STAG1: variants seen among roughly 807,000 people sequenced by gnomAD.
The protein encoded by STAG1 is cohesin subunit SA-1.
STAG1 carries 26 observed loss-of-function variants against 170.9 expected under a neutral mutation model. The observed-to-expected ratio is 0.15, with a 90% CI of 0.11 to 0.21. The LOEUF (loss-of-function observed/expected upper bound fraction) is 0.21, where lower values mean the gene tolerates loss of function less well. Among genes scored for constraint, STAG1 ranks in the 10% least tolerant of loss-of-function variants. The pLI, the probability that STAG1 is intolerant of heterozygous loss-of-function variation, is 1.00. For synonymous variants in STAG1, 514 were observed against 497.7 expected (o/e 1.03, Z -0.44); for missense variants, 964 against 1,509.5 (o/e 0.64, Z 5.99).
At chr3:136,520,290 C>T (rs188412157) in intron 7 of STAG1, among the ~76,000 whole-genome samples, 1 of 152,070 alleles carries the variant, frequency 6.6e-6, no homozygotes, top group East Asian at 1.9e-4. Flanking sequence ...GTCTGAGGAA[C>T]AGTGCTTTAA....
intron 25 of STAG1, among the ~76,000 whole-genome samples, chr3:136,364,295 C>G (rs996790769): frequency 2.6e-5 from 4 of 151,896 alleles, no homozygotes; most frequent in Non-Finnish European, 5.9e-5. Flanking sequence ...GTTGGCCAGG[C>G]TGGTCTTGAA....
chr3:136,611,578 C>G (rs997262502), intron 3 of STAG1, among the ~76,000 whole-genome samples: 2 of 151,842 alleles, frequency 1.3e-5, no homozygotes, highest in African/African-American at 4.8e-5. Context: ...TCACTGCAAC[C>G]TCCCCTCCCA....
At chr3:136,696,604 G>T (rs1287678060) in intron 1 of STAG1, among the ~76,000 whole-genome samples, 1 of 152,036 alleles carries the variant, frequency 6.6e-6, no homozygotes, top group African/African-American at 2.4e-5. Context: ...AGTGGGGGAG[G>T]TTGTGCATAT....
intron 4 of STAG1, among the ~76,000 whole-genome samples, chr3:136,600,164 G>C (rs933428246): frequency 6.6e-6 from 1 of 152,162 alleles, no homozygotes; most frequent in African/African-American, 2.4e-5. Flanking sequence ...CTACCCTTCT[G>C]AATATTAAAG....
At chr3:136,393,269 A>C (rs1191408409) in intron 22 of STAG1, among the ~76,000 whole-genome samples, 3 of 152,180 alleles carry the variant, frequency 2.0e-5, no homozygotes, top group Non-Finnish European at 4.4e-5. Context: ...AAATGGATAG[A>C]GTTTTAGGTG....
chr3:136,744,865 G>A lies in STAG1; in HGVS notation c.-84+7330C>T, dbSNP rs530622428. Among the ~76,000 whole-genome samples the A allele has an allele frequency of 2.1e-3, 325 of 152,002 alleles. 2 individuals are homozygous for A. Among genetic ancestry groups the A allele is most frequent in the Non-Finnish European group, 2.3e-3 (153 of 67,960 alleles). The stretch of plus-strand genomic sequence containing the variant: ...TAATTTTTGTATTTTTAGTAGAGAC[G>A]GGGTTTCGCCATGTTGGCCACACTG... On this transcript the variant is annotated intron_variant, in intron 1 of 33. Transcript: ENST00000383202.
rs140153629 is a variant in STAG1 at position 136,700,639 on chromosome 3, C to T, written c.-84+51556G>A. On this transcript the variant is annotated intron_variant, in intron 1 of 33. Coordinates refer to ENST00000383202, the MANE Select transcript of STAG1 (RefSeq NM_005862.3). ...TTCACCATGTTGGCCAGGCTGGTCTCGAACTCCTGACCACAGGTGATCCAC... is the reference window on the plus strand; with the variant it reads ...TTCACCATGTTGGCCAGGCTGGTCTTGAACTCCTGACCACAGGTGATCCAC... Among the ~76,000 whole-genome samples, 540 of 151,858 alleles carry T rather than the reference C, an allele frequency of 3.6e-3. 1 individual carries two copies. The highest frequency in any genetic ancestry group is 0.012 in the African/African-American group (513 of 41,446).
chr3:136,474,580 T>C (rs1407137985), intron 10 of STAG1, among the ~76,000 whole-genome samples: 3 of 152,234 alleles, frequency 2.0e-5, no homozygotes, highest in Admixed American at 2.0e-4. Flanking sequence ...AAGTTATTGA[T>C]GAGATGTCAA....
chr3:136,430,440 A>G (rs1012789017), intron 16 of STAG1, among the ~76,000 whole-genome samples: 3 of 152,094 alleles, frequency 2.0e-5, no homozygotes, highest in Admixed American at 6.6e-5. Context: ...ATATAGTTCC[A>G]TATCTTTTTC....
chr3:136,459,818 C>T (rs1332979157), intron 13 of STAG1, among the ~76,000 whole-genome samples: 3 of 152,014 alleles, frequency 2.0e-5, no homozygotes, highest in African/African-American at 7.2e-5. Flanking sequence ...AATAGAAACA[C>T]AACATACTAA....
intron 1 of STAG1, among the ~76,000 whole-genome samples, chr3:136,660,541 T>G (rs895346245): frequency 2.0e-5 from 3 of 152,198 alleles, no homozygotes; most frequent in Non-Finnish European, 4.4e-5. Context: ...GATTATACTG[T>G]AACACTCAAA....
At chr3:136,634,400 TG>T (rs551019034) in intron 1 of STAG1, among the ~76,000 whole-genome samples, 26 of 151,478 alleles carry the variant, frequency 1.7e-4, no homozygotes, top group South Asian at 6.3e-4. Flanking sequence ...CACCATATAA[TG>T]GGGGGGTCCC....
chr3:136,599,335 G>A (rs1442639575), intron 4 of STAG1, among the ~76,000 whole-genome samples: 1 of 151,898 alleles, frequency 6.6e-6, no homozygotes, highest in Non-Finnish European at 1.5e-5. Context: ...TTCAAGACCA[G>A]CCTAGGGTAA....
At chr3:136,733,153 T>A (rs1419657322) in intron 1 of STAG1, among the ~76,000 whole-genome samples, 2 of 150,862 alleles carry the variant, frequency 1.3e-5, no homozygotes, top group African/African-American at 4.9e-5. Flanking sequence ...GGCATCATCT[T>A]AGGTCACTGC....
At chr3:136,747,737 G>A (rs1296231530) in intron 1 of STAG1, among the ~76,000 whole-genome samples, 2 of 151,434 alleles carry the variant, frequency 1.3e-5, no homozygotes, top group Non-Finnish European at 2.9e-5. Context: ...ATCAAAAACA[G>A]GTAAAACAAA....
At chr3:136,670,410 G>A (rs1015076002) in intron 1 of STAG1, among the ~76,000 whole-genome samples, 3 of 152,104 alleles carry the variant, frequency 2.0e-5, no homozygotes, top group African/African-American at 7.2e-5. Flanking sequence ...CACAAAGAAA[G>A]TACAATCATT....
chr3:136,709,565 C>T (rs1000228882), intron 1 of STAG1, among the ~76,000 whole-genome samples: 3 of 151,348 alleles, frequency 2.0e-5, no homozygotes, highest in Non-Finnish European at 2.9e-5. Flanking sequence ...TGAGACCCAT[C>T]TCTAAAAAAA....
intron 14 of STAG1, among the ~76,000 whole-genome samples, chr3:136,445,632 G>A (rs1047439643): frequency 6.6e-6 from 1 of 152,108 alleles, no homozygotes; most frequent in African/African-American, 2.4e-5. Flanking sequence ...CAATAAATCA[G>A]CTGAATATGC....
chr3:136,486,939 C>T (rs1484275932), intron 9 of STAG1, among the ~76,000 whole-genome samples: 1 of 136,022 alleles, frequency 7.4e-6, no homozygotes, highest in Non-Finnish European at 1.5e-5. Flanking sequence ...GACTACTGAA[C>T]AGCTTATGTT....
Sources: allele counts gnomAD v4.1 joint callset (sites outside exome capture counted in the v4.1 genomes callset), GRCh38; gene constraint gnomAD v4.1.1; transcripts MANE v1.5; gene names NCBI Gene and HGNC (gene_info 2026-07-23, HGNC 2026-07-21).